Variants in ZNF197 observed in about 807,000 individuals in gnomAD.
The protein encoded by ZNF197 is VHL-associated KRAB-A domain-containing protein.
In ZNF197, 14 loss-of-function variants were observed where a neutral mutation model predicts 27.4. The ratio of observed to expected loss-of-function variants is 0.51; its 90% CI spans 0.34 to 0.80. The LOEUF (loss-of-function observed/expected upper bound fraction) is 0.80, where lower values mean the gene tolerates loss of function less well. Among genes scored for constraint, ZNF197 ranks in the 30% least tolerant of loss-of-function variants. The pLI is 0.02. For synonymous variants in ZNF197, 415 were observed against 420.0 expected (o/e 0.99, Z 0.15); for missense variants, 1,090 against 1,222.6 (o/e 0.89, Z 1.62).
intron 1 of ZNF197, among the ~76,000 whole-genome samples, chr3:44,628,502 T>C (rs1701795257): frequency 6.6e-6 from 1 of 152,212 alleles, no homozygotes; most frequent in South Asian, 2.1e-4. Flanking sequence ...TCTTTGTTAA[T>C]TGAGGAGGTG....
chr3:44,626,346 T>C (rs2125788804), intron 1 of ZNF197, among the ~76,000 whole-genome samples: 1 of 151,888 alleles, frequency 6.6e-6, no homozygotes, highest in East Asian at 1.9e-4. Context: ...ACTCTCTTCA[T>C]GCTCAGAGTG....
chr3:44,626,827 G>A (rs958891208), intron 1 of ZNF197, among the ~76,000 whole-genome samples: 3 of 152,108 alleles, frequency 2.0e-5, no homozygotes, highest in Admixed American at 1.3e-4. Flanking sequence ...TCTGATTCAA[G>A]GAATTTTTCT....
Position 44,646,530 on chromosome 3 carries a change from C to A in ZNF197, c.*2310C>A. ...AGGAGGCAGAGGAACAAATAAAAGACACCACGAGAAACAGACACATCCAGA... is the reference window on the plus strand; with the variant it reads ...AGGAGGCAGAGGAACAAATAAAAGAAACCACGAGAAACAGACACATCCAGA... On this transcript the variant is annotated 3_prime_UTR_variant, in exon 6 of 6. Transcript: ENST00000344387. 1 of 1,425,424 alleles carries A rather than the reference C, an allele frequency of 7.0e-7. No homozygotes were observed. The highest frequency in any genetic ancestry group is 9.9e-7 in the Non-Finnish European group (1 of 1,007,854). 88.3% of individuals were successfully genotyped at this position (1,425,424 alleles called of 1,614,324 possible).
chr3:44,635,541 T>A (rs1702235364), intron 5 of ZNF197, among the ~76,000 whole-genome samples: 1 of 152,206 alleles, frequency 6.6e-6, no homozygotes, highest in African/African-American at 2.4e-5. Context: ...TGTACTCAAT[T>A]TTCATGCATC....
chr3:44,625,998 G>A (rs536031002), intron 1 of ZNF197, among the ~76,000 whole-genome samples: 345 of 152,292 alleles, frequency 2.3e-3, no homozygotes, highest in Middle Eastern at 6.8e-3. Context: ...GTCTCAGTTA[G>A]CTAAGTGGCC....
In ZNF197 at chr3:44,629,069, T is replaced by C; in HGVS notation, c.-81-5T>C. The C allele has an allele frequency of 6.6e-7, 1 of 1,515,610 alleles. No individual in the cohort carries two copies. 93.9% of individuals were successfully genotyped at this position (1,515,610 alleles called of 1,614,324 possible). On this transcript the variant is annotated splice_region_variant and splice_polypyrimidine_tract_variant and intron_variant, in intron 1 of 5. Coordinates refer to ENST00000344387, the MANE Select transcript of ZNF197 (RefSeq NM_006991.5). ...CTTTAACAATGATTTCTTGAGGTCT[T>C]GTAGATGATACTCTCCAAGCTGTAA...
rs962813388 is a variant in ZNF197 at position 44,646,486 on chromosome 3, G to C, written c.*2266G>C. 1.2e-6 allele frequency: 2 copies of C among 1,603,764 alleles called. No homozygotes were observed. Among genetic ancestry groups the C allele is most frequent in the African/African-American group, 2.7e-5 (2 of 74,648 alleles). On this transcript the variant is annotated 3_prime_UTR_variant, in exon 6 of 6. Coordinates refer to ENST00000344387, the MANE Select transcript of ZNF197 (RefSeq NM_006991.5). ...TTAATCAAGCTTCTTGGACCTCATT[G>C]CCAGGTTACAGGAAATACAGGAGGC...
chr3:44,630,909 G>A, intron 2 of ZNF197, 153 bp from the exon 3 acceptor site: 2 of 1,059,008 alleles, frequency 1.9e-6, no homozygotes, highest in Non-Finnish European at 2.9e-6. Flanking sequence ...TGTTCTCAAT[G>A]CAAAGCTTTA....
At position 44,629,282 on chromosome 3, in the gene ZNF197, T is replaced by G. The variant is rs1199639446; in HGVS notation, c.128T>G (p.Leu43Arg). The G allele has an allele frequency of 1.2e-6, 2 of 1,614,192 alleles. No individual in the cohort carries two copies. Among genetic ancestry groups the G allele is most frequent in the Non-Finnish European group, 1.7e-6 (2 of 1,180,038 alleles). ...SSSSVWETSH[L>R]HFRQLRYHET... ...TCCTCTGTTTGGGAGACCTCCCACC[T>G]ACACTTTAGACAATTACGTTACCAT... The change falls in exon 2 of 6, where the codon CTA (leucine) becomes CGA (arginine). Residue 43 changes from leucine to arginine, a missense_variant. Physicochemically the swap from Leu to Arg is moderately radical, Grantham distance 102. Coordinates refer to ENST00000344387, the MANE Select transcript of ZNF197 (RefSeq NM_006991.5).
rs368934160 is a variant in ZNF197, at chr3:44,633,049, G to A, written c.769+450G>A. 3.7e-4 allele frequency among the ~76,000 whole-genome samples: 56 copies of A among 152,160 alleles called. No individual in the cohort carries two copies. The East Asian group carries it at 6.4e-3, about 17-fold the overall frequency. Reference sequence around the variant, plus strand: ...TTAGAGGTACAATTACTGGGCATAAGTGTTTGAATGGCTTTGAGGCTCTTG... The same window carrying A: ...TTAGAGGTACAATTACTGGGCATAAATGTTTGAATGGCTTTGAGGCTCTTG... On this transcript the variant is annotated intron_variant, in intron 5 of 5. Transcript: ENST00000344387.
Position 44,643,988 on chromosome 3 carries a change from C to G in ZNF197, c.2858C>G (p.Thr953Arg). 1 of 1,614,126 alleles carries G rather than the reference C, an allele frequency of 6.2e-7. No individual in the cohort carries two copies. Among genetic ancestry groups the G allele is most frequent in the Non-Finnish European group, 8.5e-7 (1 of 1,180,026 alleles). ...RNLVGHQRIH[T>R]GEKPYGCNDC... ...TTAGTTGGCCACCAGAGAATTCACA[C>G]AGGGGAGAAACCCTATGGGTGTAAT... Residue 953 changes from threonine to arginine, a missense_variant, in exon 6 of 6, where the codon ACA becomes AGA. Thr to Arg is a moderately conservative substitution (Grantham distance 71). Transcript: ENST00000344387.
Position 44,644,962 on chromosome 3 carries a change from T to C in ZNF197, c.*742T>C, listed in dbSNP as rs1301344560. On this transcript the variant is annotated 3_prime_UTR_variant, in exon 6 of 6. Coordinates refer to ENST00000344387, the MANE Select transcript of ZNF197 (RefSeq NM_006991.5). ...CATTTTAAAGATAGTGTCACTGCTG[T>C]GGAAAACCTGAACAGACAGTATGAT... The C allele has an allele frequency of 1.3e-5, 13 of 985,456 alleles. No individual in the cohort carries two copies. In the Middle Eastern group the frequency reaches 1.6e-3, roughly 119 times the overall value. 61.0% of individuals were successfully genotyped at this position (985,456 alleles called of 1,614,324 possible).
chr3:44,632,262 A>C, intron 4 of ZNF197, 66 bp downstream of exon 4: 1 of 1,574,682 alleles, frequency 6.4e-7, no homozygotes, highest in Non-Finnish European at 8.7e-7. Flanking sequence ...GCCCTCTCTC[A>C]TCCTTGTGCT....
Position 44,632,458 on chromosome 3 carries a change from C to T in ZNF197, c.643-15C>T. On this transcript the variant is annotated splice_polypyrimidine_tract_variant and intron_variant, in intron 4 of 5. Transcript: ENST00000344387. ...TCCTGGGCATTGGTAATCTCACACA[C>T]ACTTGTTATTTCAGGAGTTGGTGAT... is the stretch of plus-strand genomic sequence containing the variant. 6.3e-7 allele frequency: 1 copy of T among 1,576,198 alleles called. No homozygotes were observed.
At chr3:44,630,935 T>A in intron 2 of ZNF197, 127 bp from the exon 3 acceptor site, 1 of 1,278,328 alleles carries the variant, frequency 7.8e-7, no homozygotes. Flanking sequence ...GTTTTGATGC[T>A]CCATACTTGA....
chr3:44,630,784 C>T, intron 2 of ZNF197: 1 of 581,494 alleles, frequency 1.7e-6, no homozygotes, highest in South Asian at 1.5e-5. Flanking sequence ...CTGCTTATTA[C>T]TTCCCATTCC....
rs775401466 is a variant in ZNF197, at chr3:44,643,993, G to A, written c.2863G>A (p.Glu955Lys). Residue 955 changes from glutamate (E) to lysine (K), a missense_variant, in exon 6 of 6, where the codon GAG (glutamate) becomes AAG (lysine). Transcript: ENST00000344387. The stretch of plus-strand genomic sequence containing the variant: ...TGGCCACCAGAGAATTCACACAGGG[G>A]AGAAACCCTATGGGTGTAATGATTG... The part of the protein sequence containing the change: ...LVGHQRIHTG[E>K]KPYGCNDCSK... 6.2e-7 allele frequency: 1 copy of A among 1,614,160 alleles called. No homozygotes were observed. The highest frequency in any genetic ancestry group is 1.7e-5 in the Admixed American group (1 of 60,028).
Position 44,644,898 on chromosome 3 carries a change from TAAA to T in ZNF197, c.*681_*683del, listed in dbSNP as rs1468975553. On this transcript the variant is annotated 3_prime_UTR_variant, in exon 6 of 6. Coordinates refer to ENST00000344387, the MANE Select transcript of ZNF197 (RefSeq NM_006991.5). ...ATTAATAAAACTAAAAATTTAATAA[TAAA>T]AAGTGGACATTGTTTTTTAAAATGT... is the stretch of plus-strand genomic sequence containing the variant. The T allele has an allele frequency of 6.1e-6, 6 of 978,766 alleles. No individual in the cohort carries two copies. Among genetic ancestry groups the T allele is most frequent in the African/African-American group, 1.8e-5 (1 of 57,096 alleles). The allele number at this position is 978,766 out of a possible 1,614,324, so 60.6% of individuals were successfully genotyped here. A position where few individuals can be genotyped will look rare whatever the true frequency, so the allele number is the denominator to read the frequency against.
At chr3:44,630,637 A>C (rs1444387847) in intron 2 of ZNF197, among the ~76,000 whole-genome samples, 1 of 152,226 alleles carries the variant, frequency 6.6e-6, no homozygotes, top group Non-Finnish European at 1.5e-5. Flanking sequence ...TCTTGGTGCC[A>C]ATTTTAGTGT....
Sources: gnomAD v4.1 joint callset for allele counts (sites outside exome capture counted in the v4.1 genomes callset) on GRCh38, gnomAD v4.1.1 for gene constraint, MANE v1.5 for transcripts, NCBI Gene and HGNC (gene_info 2026-07-23, HGNC 2026-07-21) for gene names.